Variants in FAM120C observed in about 807,000 individuals in gnomAD.
FAM120C encodes the protein constitutive coactivator of PPAR-gamma-like protein 2.
A neutral mutation model predicts 71.2 loss-of-function variants in FAM120C; 14 were observed. The observed-to-expected ratio is 0.20, with a 90% CI of 0.13 to 0.31. The LOEUF is 0.31. Among genes scored for constraint, FAM120C ranks in the 10% least tolerant of loss-of-function variants. FAM120C has a pLI of 1.00. For missense variants in FAM120C, 500 were observed against 879.0 expected (o/e 0.57, Z 5.45); for synonymous variants, 354 against 353.2 (o/e 1.00, Z -0.03).
At chrX:54,163,076 T>C (rs1557134599) in intron 1 of FAM120C, among the ~76,000 whole-genome samples, 1 of 111,768 alleles carries the variant, frequency 8.9e-6, no homozygotes, top group East Asian at 2.8e-4. Flanking sequence ...CTAGTGGGAA[T>C]GAAAAATGGT....
rs2066717339 is a variant in FAM120C at position 54,072,945 on chromosome X, CATTTAT to C, written c.*82_*87del. The C allele has an allele frequency of 1.9e-6, 2 of 1,058,451 alleles. No individual in the cohort carries two copies. The highest frequency in any genetic ancestry group is 2.5e-6 in the Non-Finnish European group (2 of 795,016). The allele number at this position is 1,058,451 out of a possible 1,213,427, so 87.2% of individuals were successfully genotyped here. On this transcript the variant is annotated 3_prime_UTR_variant, in exon 16 of 16. Coordinates refer to ENST00000375180, the MANE Select transcript of FAM120C (RefSeq NM_017848.6). ...AAATCCTGGAGAAATCTAGGGTAAG[CATTTAT>C]ATCCTCCTCTAGCTTGGGCCTAAAA...
chrX:54,131,778 T>C (rs1288251953), intron 9 of FAM120C, among the ~76,000 whole-genome samples: 2 of 107,142 alleles, frequency 1.9e-5, no homozygotes, highest in African/African-American at 7.0e-5. Context: ...TTTTTTTTTT[T>C]TGAGACGGAG....
intron 10 of FAM120C, among the ~76,000 whole-genome samples, chrX:54,100,308 G>A (rs2066875575): frequency 9.0e-6 from 1 of 111,180 alleles, no homozygotes; most frequent in Non-Finnish European, 1.9e-5. Flanking sequence ...TGGCTAACAC[G>A]GTGAAACCCC....
At chrX:54,161,300 C>A (rs2067234977) in intron 1 of FAM120C, among the ~76,000 whole-genome samples, 1 of 111,562 alleles carries the variant, frequency 9.0e-6, no homozygotes, top group Admixed American at 9.6e-5. Flanking sequence ...GTATTAGAAG[C>A]CCCATTTTAC....
Position 54,116,814 on chromosome X carries a change from G to A in FAM120C, c.2063-20C>T. ...AAGGAACTGGAAAACAGAAATTGAG[G>A]AAAAAGAGGCTCTAGAGAATCTCTC... On this transcript the variant is annotated intron_variant, in intron 9 of 15. Coordinates refer to ENST00000375180, the MANE Select transcript of FAM120C (RefSeq NM_017848.6). The A allele has an allele frequency of 8.3e-7, 1 of 1,201,931 alleles. No individual in the cohort carries two copies. The highest frequency in any genetic ancestry group is 1.1e-6 in the Non-Finnish European group (1 of 890,508).
At chrX:54,091,557 A>G (rs2066824416) in intron 10 of FAM120C, 131 bp from the exon 11 acceptor site, 1 of 436,949 alleles carries the variant, frequency 2.3e-6, no homozygotes, top group East Asian at 3.8e-5. Context: ...AATGAAGGAA[A>G]AAGAATCTCT....
intron 9 of FAM120C, among the ~76,000 whole-genome samples, chrX:54,127,190 A>T (rs1557128115): frequency 9.0e-6 from 1 of 111,463 alleles, no homozygotes; most frequent in Non-Finnish European, 1.9e-5. Context: ...ATTGGGGGTT[A>T]GGATTTCAAC....
intron 4 of FAM120C, among the ~76,000 whole-genome samples, chrX:54,143,768 C>A (rs977897575): frequency 8.0e-5 from 9 of 111,906 alleles, no homozygotes; most frequent in Non-Finnish European, 1.5e-4. Context: ...CCTTCTGAGA[C>A]TATTCCAATC....
At chrX:54,143,523 GAA>G (rs2067138262) in intron 4 of FAM120C, among the ~76,000 whole-genome samples, 1 of 112,694 alleles carries the variant, frequency 8.9e-6, no homozygotes, top group African/African-American at 3.2e-5. Context: ...TACCATCAGA[GAA>G]TACTATAAAC....
At chrX:54,161,776 C>T (rs1018596630) in intron 1 of FAM120C, among the ~76,000 whole-genome samples, 4 of 111,987 alleles carry the variant, frequency 3.6e-5, no homozygotes, top group African/African-American at 9.7e-5. Context: ...GGGCTACGGG[C>T]GCATGCCACC....
intron 15 of FAM120C, among the ~76,000 whole-genome samples, chrX:54,075,141 G>A (rs2066728804): frequency 8.9e-6 from 1 of 111,781 alleles, no homozygotes; most frequent in Non-Finnish European, 1.9e-5. Flanking sequence ...CTGGGCGACA[G>A]AGTGAGATCC....
At chrX:54,177,299 G>C (rs1557136791) in intron 1 of FAM120C, among the ~76,000 whole-genome samples, 3 of 111,399 alleles carry the variant, frequency 2.7e-5, no homozygotes. Context: ...ATGGAGTCCG[G>C]AGAGTGTTAT....
At chrX:54,178,768 C>T (rs1314591274) in intron 1 of FAM120C, among the ~76,000 whole-genome samples, 1 of 111,712 alleles carries the variant, frequency 9.0e-6, no homozygotes, top group Non-Finnish European at 1.9e-5. Context: ...ATTGCTTTAT[C>T]GTATTCTAGA....
intron 9 of FAM120C, among the ~76,000 whole-genome samples, chrX:54,118,198 G>A (rs1277610475): frequency 9.2e-6 from 1 of 108,697 alleles, no homozygotes; most frequent in East Asian, 2.9e-4. Flanking sequence ...ACTCCAGCCT[G>A]GGCAACAAGA....
intron 15 of FAM120C, among the ~76,000 whole-genome samples, chrX:54,076,476 C>G (rs1355805481): frequency 9.0e-6 from 1 of 110,960 alleles, no homozygotes; most frequent in South Asian, 3.8e-4. Context: ...TCTTCTTTTT[C>G]TGTCCCGACT....
rs782769597 is a variant in FAM120C at position 54,127,314 on chromosome X, G to A, written c.2062+5378C>T. ...TTTCTTTTTAAGAGATGAGATGGCCGGGTGCAGTGGCTCACACCTGTAATC... is the reference window on the plus strand; with the variant it reads ...TTTCTTTTTAAGAGATGAGATGGCCAGGTGCAGTGGCTCACACCTGTAATC... On this transcript the variant is annotated intron_variant, in intron 9 of 15. Transcript: ENST00000375180. Among the ~76,000 whole-genome samples, 127 of 110,029 alleles carry A rather than the reference G, an allele frequency of 1.2e-3. 1 individual carries two copies. The highest frequency in any genetic ancestry group is 2.2e-3 in the Non-Finnish European group (115 of 52,818).
intron 4 of FAM120C, 116 bp downstream of exon 4, chrX:54,151,129 G>A: frequency 8.2e-6 from 7 of 848,872 alleles, no homozygotes; most frequent in Non-Finnish European, 1.2e-5. Flanking sequence ...TTGTAAGCAT[G>A]GAGAAGACAA....
rs1557120030 is a variant in FAM120C, at chrX:54,071,473, A to G, written c.*1560T>C. 1 of 112,875 alleles carries G rather than the reference A, an allele frequency of 8.9e-6. No homozygotes were observed. The highest frequency in any genetic ancestry group is 1.9e-5 in the Non-Finnish European group (1 of 53,307). The allele number at this position is 112,875 out of a possible 1,213,427, so 9.3% of individuals were successfully genotyped here. A position where few individuals can be genotyped will look rare whatever the true frequency, so the allele number is the denominator to read the frequency against. ...TAGTTTCCTCACACTTCCCTACCCT[A>G]TCTTTCCAAAGCTAGTCCTCTCTCC... is the stretch of plus-strand genomic sequence containing the variant. On this transcript the variant is annotated 3_prime_UTR_variant, in exon 16 of 16. Coordinates refer to ENST00000375180, the MANE Select transcript of FAM120C (RefSeq NM_017848.6).
chrX:54,113,634 G>A (rs782067412), intron 10 of FAM120C, among the ~76,000 whole-genome samples: 15 of 111,070 alleles, frequency 1.4e-4, no homozygotes, highest in South Asian at 7.5e-4. Flanking sequence ...GCACCAGGCC[G>A]GGCGCGGTGG....
Sources: allele counts gnomAD v4.1 joint callset (sites outside exome capture counted in the v4.1 genomes callset), GRCh38; gene constraint gnomAD v4.1.1; transcripts MANE v1.5; gene names NCBI Gene and HGNC (gene_info 2026-07-23, HGNC 2026-07-21).